Variants in MAN1A1 observed in about 807,000 individuals in gnomAD.
MAN1A1 encodes the protein mannosyl-oligosaccharide 1,2-alpha-mannosidase IA.
A neutral mutation model predicts 70.8 loss-of-function variants in MAN1A1; 29 were observed. The observed-to-expected ratio is 0.41, with a 90% CI of 0.31 to 0.56. The LOEUF (loss-of-function observed/expected upper bound fraction) is 0.56, where lower values mean the gene tolerates loss of function less well. MAN1A1 is among the 20% of genes least tolerant of loss of function. The pLI is 0.29. For missense variants in MAN1A1, 747 were observed against 841.3 expected (o/e 0.89, Z 1.39); for synonymous variants, 349 against 330.1 (o/e 1.06, Z -0.62).
intron 5 of MAN1A1, among the ~76,000 whole-genome samples, chr6:119,283,433 G>A (rs1006497047): frequency 1.3e-5 from 2 of 152,166 alleles, no homozygotes; most frequent in African/African-American, 4.8e-5. Flanking sequence ...CAGCAGAAAC[G>A]TCATTTTTGA....
At position 119,339,142 on chromosome 6, in the gene MAN1A1, T is replaced by C. The variant is rs7745631; in HGVS notation, c.603+9321A>G. 6.0e-3 allele frequency among the ~76,000 whole-genome samples: 921 copies of C among 152,330 alleles called. 34 individuals are homozygous for C. In the East Asian group the frequency reaches 0.093, roughly 15 times the overall value. On this transcript the variant is annotated intron_variant, in intron 2 of 12. Coordinates refer to ENST00000368468, the MANE Select transcript of MAN1A1 (RefSeq NM_005907.4). ...ATGCCATATACTGCTTCATCACTTA[T>C]GAAATTCACAAAGAATCAACAGACT...
At chr6:119,204,266 C>T (rs555765173) in intron 7 of MAN1A1, among the ~76,000 whole-genome samples, 30 of 151,970 alleles carry the variant, frequency 2.0e-4, no homozygotes, top group East Asian at 5.8e-4. Flanking sequence ...ACAACAGGGA[C>T]GACTCTTTCA....
At chr6:119,331,916 G>A in intron 2 of MAN1A1, 1 of 501,924 alleles carries the variant, frequency 2.0e-6, no homozygotes, top group South Asian at 1.5e-5. Flanking sequence ...GAAGAGGGTG[G>A]GGGCAGGGAC....
intron 8 of MAN1A1, among the ~76,000 whole-genome samples, chr6:119,194,986 C>T (rs1424493960): frequency 6.6e-6 from 1 of 151,952 alleles, no homozygotes; most frequent in Non-Finnish European, 1.5e-5. Context: ...GAGCCCACCA[C>T]CACACCTGGC....
chr6:119,186,650 C>G (rs1421744941), intron 11 of MAN1A1, among the ~76,000 whole-genome samples: 3 of 152,198 alleles, frequency 2.0e-5, no homozygotes, highest in Non-Finnish European at 2.9e-5. Context: ...AAAAGCTCTT[C>G]CACCTTCTTT....
intron 6 of MAN1A1, among the ~76,000 whole-genome samples, chr6:119,246,510 A>C (rs1775170821): frequency 6.6e-6 from 1 of 152,166 alleles, no homozygotes; most frequent in African/African-American, 2.4e-5. Context: ...AAATTAGCCA[A>C]GAGAGTTTAA....
chr6:119,281,321 G>C (rs1776219818), intron 5 of MAN1A1, among the ~76,000 whole-genome samples: 1 of 152,196 alleles, frequency 6.6e-6, no homozygotes. Context: ...GGGCAGTTAA[G>C]AGGGCTACAC....
At chr6:119,207,204 C>CA (rs1773886683) in intron 6 of MAN1A1, among the ~76,000 whole-genome samples, 1 of 152,118 alleles carries the variant, frequency 6.6e-6, no homozygotes, top group Admixed American at 6.6e-5. Context: ...TCTTTGTACA[C>CA]ATTCATATCA....
rs1370816323 is a variant in MAN1A1, at chr6:119,188,470, A to G, written c.1654T>C (p.Tyr552His). Residue 552 changes from tyrosine to histidine, a missense_variant, in exon 11 of 13, where the codon TAC becomes CAC. Tyr to His is a moderately conservative substitution (Grantham distance 83). Transcript: ENST00000368468. ...YILRPEVMET[Y>H]MYMWRLTHDP... ...TGAGTCAGTCTCCACATATACATGT[A>G]AGTCTCCATAACTTCTGGCCGTAAG... 5 of 1,614,020 alleles carry G rather than the reference A, an allele frequency of 3.1e-6. No homozygotes were observed. Among genetic ancestry groups the G allele is most frequent in the Non-Finnish European group, 4.2e-6 (5 of 1,179,900 alleles).
At chr6:119,210,897 AG>A (rs774489983) in intron 6 of MAN1A1, 29 of 456,176 alleles carry the variant, frequency 6.4e-5, no homozygotes, top group South Asian at 4.3e-4. Flanking sequence ...CTCATATGGT[AG>A]CCTCCATAGC....
At chr6:119,207,068 ATTTG>A (rs1773880843) in intron 6 of MAN1A1, among the ~76,000 whole-genome samples, 1 of 152,232 alleles carries the variant, frequency 6.6e-6, no homozygotes, top group South Asian at 2.1e-4. Flanking sequence ...GTATCCATGT[ATTTG>A]TTCTCTGCCA....
At chr6:119,319,934 C>T (rs1772962664) in intron 2 of MAN1A1, among the ~76,000 whole-genome samples, 2 of 151,866 alleles carry the variant, frequency 1.3e-5, no homozygotes, top group Admixed American at 6.6e-5. Context: ...GGTTGTTCTG[C>T]TGTCATAAAT....
At chr6:119,229,843 T>C (rs1774628619) in intron 6 of MAN1A1, among the ~76,000 whole-genome samples, 1 of 152,248 alleles carries the variant, frequency 6.6e-6, no homozygotes, top group African/African-American at 2.4e-5. Context: ...GCTGTAGCAA[T>C]TGTGAACCTG....
chr6:119,287,718 T>C (rs144670086), intron 5 of MAN1A1, among the ~76,000 whole-genome samples: 39 of 152,148 alleles, frequency 2.6e-4, no homozygotes, highest in African/African-American at 9.1e-4. Flanking sequence ...TATCCTGCCA[T>C]ATCAAAAGAA....
intron 5 of MAN1A1, among the ~76,000 whole-genome samples, chr6:119,258,556 A>G (rs750390609): frequency 2.8e-4 from 43 of 152,126 alleles, no homozygotes; most frequent in Non-Finnish European, 5.6e-4. Context: ...AAGGTACTTG[A>G]GCATCTGTGG....
chr6:119,237,602 T>C (rs757682603), intron 6 of MAN1A1, among the ~76,000 whole-genome samples: 2 of 152,178 alleles, frequency 1.3e-5, no homozygotes, highest in African/African-American at 2.4e-5. Flanking sequence ...ATAGTGTGGA[T>C]GGCCCCTTGA....
intron 2 of MAN1A1, among the ~76,000 whole-genome samples, chr6:119,316,564 T>C (rs1284525569): frequency 6.6e-6 from 1 of 152,170 alleles, no homozygotes; most frequent in Non-Finnish European, 1.5e-5. Flanking sequence ...TATTTTCATG[T>C]AATGTCTAAT....
At chr6:119,280,083 C>T (rs907636405) in intron 5 of MAN1A1, among the ~76,000 whole-genome samples, 11 of 152,236 alleles carry the variant, frequency 7.2e-5, no homozygotes, top group Non-Finnish European at 1.3e-4. Flanking sequence ...CCTTTTCTAG[C>T]TCTTTCTTCT....
chr6:119,281,360 G>C (rs551610206), intron 5 of MAN1A1, among the ~76,000 whole-genome samples: 1 of 152,192 alleles, frequency 6.6e-6, no homozygotes, highest in Non-Finnish European at 1.5e-5. Flanking sequence ...GGTCGCTGTG[G>C]TGGTCATGAA....
Sources: gnomAD v4.1 joint callset for allele counts (sites outside exome capture counted in the v4.1 genomes callset) on GRCh38, gnomAD v4.1.1 for gene constraint, MANE v1.5 for transcripts, NCBI Gene and HGNC (gene_info 2026-07-23, HGNC 2026-07-21) for gene names.